Variants in ZNF800 observed in about 807,000 individuals in gnomAD.
The protein encoded by ZNF800 is zinc finger protein 800.
A neutral mutation model predicts 59.5 loss-of-function variants in ZNF800; 13 were observed. The ratio of observed to expected loss-of-function variants is 0.22; its 90% confidence interval spans 0.14 to 0.35. The LOEUF (loss-of-function observed/expected upper bound fraction) is 0.35. Ranked by LOEUF, ZNF800 falls within the 10% of genes least tolerant of loss-of-function variation. The probability of loss-of-function intolerance (pLI) is 1.00; values close to 1 mark genes in which losing one functional copy is unlikely to be tolerated. For synonymous variants in ZNF800, 266 were observed against 265.7 expected (o/e 1.00, Z -0.01); for missense variants, 621 against 783.7 (o/e 0.79, Z 2.48).
chr7:127,355,894 T>C lies in ZNF800; in HGVS notation n.225-7851A>G, dbSNP rs1800261397. Among the ~76,000 whole-genome samples, 6 of 150,160 alleles carry C rather than the reference T, an allele frequency of 4.0e-5. No individual in the cohort carries two copies. The South Asian group carries it at 1.3e-3, about 31-fold the overall frequency. On this transcript the variant is annotated intron_variant and non_coding_transcript_variant, in intron 1 of 1. Coordinates refer to the ZNF800 transcript ENST00000485577. ...CCCTGAGGTATGAGAAAATCACACTTACACAGGATGTTTGGTAACCATCTT... is the reference window on the plus strand; with the variant it reads ...CCCTGAGGTATGAGAAAATCACACTCACACAGGATGTTTGGTAACCATCTT...
intron 3 of ZNF800, among the ~76,000 whole-genome samples, chr7:127,384,900 T>C (rs1454822885): frequency 6.6e-6 from 1 of 152,190 alleles, no homozygotes; most frequent in Non-Finnish European, 1.5e-5. Flanking sequence ...TAAAATAGTT[T>C]ATACCACCAT....
intron 2 of ZNF800, among the ~76,000 whole-genome samples, chr7:127,386,983 C>T (rs182136292): frequency 5.3e-5 from 8 of 151,988 alleles, no homozygotes; most frequent in Admixed American, 4.6e-4. Flanking sequence ...GGGATGTTTG[C>T]TTTCTGCCTC....
At chr7:127,373,259 A>T (rs1800680741) in intron 5 of ZNF800, 83 bp downstream of exon 5, 2 of 1,514,872 alleles carry the variant, frequency 1.3e-6, no homozygotes, top group South Asian at 2.8e-5. Flanking sequence ...GTTAAAATGG[A>T]ACCAGCTATA....
chr7:127,367,216 A>G (rs971089022), downstream of ZNF800, among the ~76,000 whole-genome samples: 5 of 152,082 alleles, frequency 3.3e-5, no homozygotes, highest in African/African-American at 4.8e-5. Flanking sequence ...GGAATCCTAT[A>G]AGGCCTGATC....
rs1800120785 is a variant in ZNF800 at position 127,348,890 on chromosome 7, A to T, written n.225-847T>A. On this transcript the variant is annotated intron_variant and non_coding_transcript_variant, in intron 1 of 1. Coordinates refer to the ZNF800 transcript ENST00000485577. ...TCTATTGTGTAGCAAAGTGGTGGAC[A>T]TCAAAAGATTTTAAAAAATGAAGAG... 2.0e-5 allele frequency among the ~76,000 whole-genome samples: 3 copies of T among 152,240 alleles called. No individual in the cohort carries two copies. In the South Asian group the frequency reaches 6.2e-4, roughly 32 times the overall value.
At chr7:127,349,848 T>C (rs754536167) in intron 1 of ZNF800, 5 of 152,140 alleles carry the variant, frequency 3.3e-5, no homozygotes, top group Non-Finnish European at 5.9e-5. Context: ...CAGAAGAGCA[T>C]TTATTATTGG....
intron 3 of ZNF800, among the ~76,000 whole-genome samples, chr7:127,379,852 A>ACCCCCCCCCCC (rs1562907479): frequency 1.2e-4 from 2 of 16,164 alleles, no homozygotes; most frequent in Admixed American, 7.5e-4. Context: ...CCACCCCCCC[A>ACCCCCCCCCCC]CCCCCCCCAC....
intron 1 of ZNF800, chr7:127,364,906 T>C (rs1327822154): frequency 6.6e-6 from 1 of 152,108 alleles, no homozygotes; most frequent in African/African-American, 2.4e-5. Context: ...GTGTGAAAAG[T>C]TTGAAGCAAG....
chr7:127,375,019 T>C lies in ZNF800; in HGVS notation c.317A>G (p.Asn106Ser). 1 of 1,584,536 alleles carries C rather than the reference T, an allele frequency of 6.3e-7. No individual in the cohort carries two copies. Residue 106 changes from asparagine (N) to serine (S), a missense_variant, in exon 5 of 6, where the codon AAT (asparagine) becomes AGT (serine). By Grantham distance (46) the Asn-to-Ser change is conservative. Transcript: ENST00000265827. ...LQMDDNLPDV[N>S]DKQSQAINDL... ...ATTTATGGCTTGGCTTTGTTTATCA[T>C]TTACATCAGGAAGGTCTGTTAAGGA...
chr7:127,374,075 G>C lies in ZNF800; in HGVS notation c.1261C>G (p.Pro421Ala), dbSNP rs761041591. ...EPADSVESSP[P>A]SITHSPQNEL... ...TTCTGTGGAGAATGGGTAATGGAAG[G>C]GGGTGAAGATTCTACAGAATCTGCT... The change falls in exon 5 of 6, where the codon CCT becomes GCT. Residue 421 changes from proline to alanine, a missense_variant. Coordinates refer to ENST00000265827, the MANE Select transcript of ZNF800 (RefSeq NM_176814.5). The C allele has an allele frequency of 3.1e-6, 5 of 1,613,946 alleles. No homozygotes were observed. The highest frequency in any genetic ancestry group is 1.3e-5 in the African/African-American group (1 of 74,900).
chr7:127,380,386 T>C (rs908535779), intron 3 of ZNF800, among the ~76,000 whole-genome samples: 1 of 152,176 alleles, frequency 6.6e-6, no homozygotes, highest in African/African-American at 2.4e-5. Context: ...TTTAAATCTA[T>C]GTGAAGTTAA....
At chr7:127,387,385 GGGTTT>G (rs1265808830) in intron 2 of ZNF800, among the ~76,000 whole-genome samples, 1 of 152,184 alleles carries the variant, frequency 6.6e-6, no homozygotes, top group Non-Finnish European at 1.5e-5. Flanking sequence ...TCTTGCTTCA[GGGTTT>G]AGGCTTGGAC....
At chr7:127,350,175 G>C (rs550859708) in intron 1 of ZNF800, 3 of 152,272 alleles carry the variant, frequency 2.0e-5, no homozygotes, top group African/African-American at 7.2e-5. Flanking sequence ...TAGCTAAATC[G>C]ATAGAGATTC....
downstream of ZNF800, among the ~76,000 whole-genome samples, chr7:127,346,440 C>T (rs970709253): frequency 1.9e-4 from 29 of 152,168 alleles, no homozygotes; most frequent in African/African-American, 5.5e-4. Context: ...GGTAAGATTT[C>T]TCCAGAGTTG....
At chr7:127,387,685 A>AC (rs1355146959) in intron 2 of ZNF800, among the ~76,000 whole-genome samples, 1 of 151,962 alleles carries the variant, frequency 6.6e-6, no homozygotes, top group Non-Finnish European at 1.5e-5. Flanking sequence ...AAATGGCAAG[A>AC]CCCCATCTCT....
At chr7:127,356,729 G>T (rs1043896788) in intron 1 of ZNF800, among the ~76,000 whole-genome samples, 1 of 151,726 alleles carries the variant, frequency 6.6e-6, no homozygotes, top group African/African-American at 2.4e-5. Flanking sequence ...ACAAGAAAGA[G>T]AAACCATTTT....
chr7:127,346,675 T>C (rs1048080759), downstream of ZNF800: 57 of 152,390 alleles, frequency 3.7e-4, no homozygotes, highest in African/African-American at 1.3e-3. Flanking sequence ...GAATGTCTGA[T>C]GATGTGCTAG....
At chr7:127,385,644 G>C (rs905074410) in intron 3 of ZNF800, among the ~76,000 whole-genome samples, 2 of 152,014 alleles carry the variant, frequency 1.3e-5, no homozygotes, top group Non-Finnish European at 2.9e-5. Context: ...CATAAATAAG[G>C]TAATTAACCT....
Position 127,392,089 on chromosome 7 carries a change from C to CGGAA in ZNF800, c.-92_-89dup, listed in dbSNP as rs750383357. 6 of 392,068 alleles carry CGGAA rather than the reference C, an allele frequency of 1.5e-5. No individual in the cohort carries two copies. The highest frequency in any genetic ancestry group is 2.3e-5 in the Non-Finnish European group (5 of 222,160). 24.3% of individuals were successfully genotyped at this position (392,068 alleles called of 1,614,324 possible). On this transcript the variant is annotated 5_prime_UTR_variant, in exon 1 of 6. Transcript: ENST00000265827. ...CTCTTAGGGCGGGCCGGCGGGCGGG[C>CGGAA]GGAAGGAAGGAAGGCAGGCCGGGCG... is the stretch of plus-strand genomic sequence containing the variant.
Sources: allele counts gnomAD v4.1 joint callset (sites outside exome capture counted in the v4.1 genomes callset), GRCh38; gene constraint gnomAD v4.1.1; transcripts MANE v1.5; gene names NCBI Gene and HGNC (gene_info 2026-07-23, HGNC 2026-07-21).